FAM171B: variants seen among roughly 807,000 people sequenced by gnomAD.
FAM171B encodes protein FAM171B.
FAM171B carries 19 observed loss-of-function variants against 75.6 expected under a neutral mutation model. The observed-to-expected ratio is 0.25, with a 90% CI of 0.18 to 0.37. The LOEUF is 0.37. Among genes scored for constraint, FAM171B ranks in the 10% least tolerant of loss-of-function variants. The pLI is 1.00. For synonymous variants in FAM171B, 367 were observed against 361.7 expected, an observed-to-expected ratio of 1.01 and a Z score of -0.17; for missense variants, 848 against 982.4, an observed-to-expected ratio of 0.86 and a Z score of 1.83.
Position 186,711,951 on chromosome 2 carries a change from G to A in FAM171B, c.238+17540G>A, listed in dbSNP as rs967141373. On this transcript the variant is annotated intron_variant, in intron 1 of 7. Coordinates refer to ENST00000304698, the MANE Select transcript of FAM171B (RefSeq NM_177454.4). ...TTGATAATAGGTCATTTTTAAATTA[G>A]TTTCTAATTGTTTCTGGTGTGTTTA... Among the ~76,000 whole-genome samples the A allele has an allele frequency of 2.0e-5, 3 of 152,204 alleles. No individual in the cohort carries two copies. The East Asian group carries it at 5.8e-4, about 29-fold the overall frequency.
At chr2:186,707,846 A>ATTT (rs1559081571) in intron 1 of FAM171B, among the ~76,000 whole-genome samples, 6 of 150,850 alleles carry the variant, frequency 4.0e-5, no homozygotes, top group African/African-American at 1.5e-4. Context: ...TTTTTTAAAA[A>ATTT]AAAAAAAAGG....
intron 1 of FAM171B, among the ~76,000 whole-genome samples, chr2:186,736,567 G>GTGTGTGTGTGTGTGGGA (rs55683607): frequency 2.7e-3 from 285 of 104,618 alleles, no homozygotes; most frequent in South Asian, 7.7e-3. Flanking sequence ...TGTGTGTGTG[G>GTGTGTGTGTGTGTGGGA]GAGAGAGAGA....
chr2:186,747,791 T>A (rs1057107922), intron 4 of FAM171B, among the ~76,000 whole-genome samples: 6 of 152,142 alleles, frequency 3.9e-5, no homozygotes, highest in African/African-American at 1.4e-4. Flanking sequence ...TATAAGGCTG[T>A]CATAATATAA....
At chr2:186,734,544 C>T (rs369885487) in intron 1 of FAM171B, among the ~76,000 whole-genome samples, 12 of 152,278 alleles carry the variant, frequency 7.9e-5, no homozygotes, top group East Asian at 1.9e-4. Flanking sequence ...AGCTCCTATC[C>T]GCAGGCAGGT....
chr2:186,761,222 A>G lies in FAM171B; in HGVS notation c.1122A>G (p.Leu374=), dbSNP rs1271123693. The change falls in exon 7 of 8, where the codon CTA becomes CTG. Residue 374 remains leucine (L), a synonymous_variant. Transcript: ENST00000304698. ...TTGTCATTGGATTTTTTGCTGTACT[A>G]CTTTGTTATTGCAGGTAAGAAAATG... The part of the protein sequence containing the change: ...IVIVIGFFAV[L]LCYCRDKCGT... 1.9e-6 allele frequency: 3 copies of G among 1,612,186 alleles called. No individual in the cohort carries two copies. The highest frequency in any genetic ancestry group is 2.5e-6 in the Non-Finnish European group (3 of 1,179,074).
At chr2:186,751,805 T>C (rs1259081996) in intron 5 of FAM171B, among the ~76,000 whole-genome samples, 2 of 152,186 alleles carry the variant, frequency 1.3e-5, no homozygotes, top group Admixed American at 6.6e-5. Flanking sequence ...TATATTTTCA[T>C]CCTCAGCTTC....
chr2:186,754,174 A>C, intron 6 of FAM171B, 125 bp downstream of exon 6: 1 of 660,984 alleles, frequency 1.5e-6, no homozygotes. Flanking sequence ...TGGGAAAGGA[A>C]CTTGATCTCA....
intron 1 of FAM171B, among the ~76,000 whole-genome samples, chr2:186,724,179 C>T (rs1449457269): frequency 2.0e-5 from 3 of 152,224 alleles, no homozygotes; most frequent in South Asian, 2.1e-4. Context: ...TGTCCTTGGC[C>T]GGCTTCTGGG....
chr2:186,753,884 C>A, intron 5 of FAM171B, 49 bp from the exon 6 acceptor site: 1 of 1,389,004 alleles, frequency 7.2e-7, no homozygotes, highest in Non-Finnish European at 1.0e-6. Flanking sequence ...GCATGACCAT[C>A]AGTTCTTAAG....
intron 1 of FAM171B, among the ~76,000 whole-genome samples, chr2:186,699,977 T>C (rs965918428): frequency 6.6e-6 from 1 of 152,158 alleles, no homozygotes; most frequent in Non-Finnish European, 1.5e-5. Context: ...GTTCCATTGG[T>C]CTCTTTGTCT....
In FAM171B at chr2:186,761,472, A is replaced by G; in HGVS notation, c.1137-7A>G. On this transcript the variant is annotated splice_polypyrimidine_tract_variant and splice_region_variant and intron_variant, in intron 7 of 7. Transcript: ENST00000304698. Reference sequence around the variant, plus strand: ...TTAAATATTTTTTGCCTTCTCTTCTACTCTAGGGACAAGTGTGGTACTCCA... The same window carrying G: ...TTAAATATTTTTTGCCTTCTCTTCTGCTCTAGGGACAAGTGTGGTACTCCA... 6.4e-7 allele frequency: 1 copy of G among 1,550,966 alleles called. No homozygotes were observed. The highest frequency in any genetic ancestry group is 8.6e-7 in the Non-Finnish European group (1 of 1,157,624).
intron 1 of FAM171B, among the ~76,000 whole-genome samples, chr2:186,703,652 T>A (rs1177455803): frequency 6.6e-6 from 1 of 152,180 alleles, no homozygotes; most frequent in Non-Finnish European, 1.5e-5. Flanking sequence ...CCCATTCCAC[T>A]CTTGCCTCCT....
At chr2:186,704,103 C>G (rs1689702670) in intron 1 of FAM171B, among the ~76,000 whole-genome samples, 1 of 152,116 alleles carries the variant, frequency 6.6e-6, no homozygotes, top group African/African-American at 2.4e-5. Context: ...AATAACTTCT[C>G]TTCATAAAAT....
In FAM171B at chr2:186,762,039, G is replaced by A. The variant is rs746007701; in HGVS notation, c.1697G>A (p.Gly566Glu). The change falls in exon 8 of 8, where the codon GGA (glycine) becomes GAA (glutamate). Residue 566 changes from glycine (G) to glutamate (E), a missense_variant. Physicochemically the swap from Gly to Glu is moderately conservative, Grantham distance 98 (BLOSUM62 -2). Coordinates refer to ENST00000304698, the MANE Select transcript of FAM171B (RefSeq NM_177454.4). This position sits in a 1 kb window ranked among gnomAD's most constrained non-coding sequence, Gnocchi z 4.0. ...TAKSATLPRK[G>E]QLVYGQLMEP... ...AAGTCAGCTACTTTGCCAAGAAAGG[G>A]ACAGTTAGTCTATGGCCAATTGATG... is the stretch of plus-strand genomic sequence containing the variant. 2 of 1,613,686 alleles carry A rather than the reference G, an allele frequency of 1.2e-6. No homozygotes were observed. The highest frequency in any genetic ancestry group is 3.3e-5 in the Admixed American group (2 of 59,914).
chr2:186,753,361 CT>C (rs1443547558), intron 5 of FAM171B, among the ~76,000 whole-genome samples: 3 of 152,050 alleles, frequency 2.0e-5, no homozygotes, highest in Non-Finnish European at 2.9e-5. Flanking sequence ...AAAATGACAA[CT>C]TTTTTGGAAT....
intron 1 of FAM171B, among the ~76,000 whole-genome samples, chr2:186,725,338 T>C (rs531064623): frequency 0.011 from 1,327 of 123,662 alleles, 23 homozygotes; most frequent in African/African-American, 0.035. Context: ...AGCGAGACTC[T>C]GTCTCAAAAA....
intron 1 of FAM171B, among the ~76,000 whole-genome samples, chr2:186,737,519 A>G (rs916300030): frequency 2.0e-5 from 3 of 151,910 alleles, no homozygotes; most frequent in African/African-American, 7.3e-5. Flanking sequence ...GCTAATTTCA[A>G]GTTTTTTGTA....
intron 4 of FAM171B, 87 bp downstream of exon 4, chr2:186,747,337 A>G: frequency 2.3e-6 from 2 of 852,548 alleles, no homozygotes; most frequent in Non-Finnish European, 3.3e-6. Context: ...ATAATAGCTT[A>G]TAATATATAA....
rs1312298362 is a variant in FAM171B, at chr2:186,754,040, G to A, written c.1003G>A (p.Gly335Arg). The change falls in exon 6 of 8, where the codon GGA becomes AGA. Residue 335 changes from glycine to arginine, a missense_variant. Coordinates refer to ENST00000304698, the MANE Select transcript of FAM171B (RefSeq NM_177454.4). ...LGYWIAAPLP[G>R]TRGSGINEDS... The stretch of plus-strand genomic sequence containing the variant: ...GTACTGGATAGCAGCTCCACTTCCA[G>A]GAACTAGAGGTATTGTAAAAAATGA... 1 of 1,589,208 alleles carries A rather than the reference G, an allele frequency of 6.3e-7. No individual in the cohort carries two copies. Among genetic ancestry groups the A allele is most frequent in the Non-Finnish European group, 8.6e-7 (1 of 1,169,190 alleles).
Sources: allele counts gnomAD v4.1 joint callset (sites outside exome capture counted in the v4.1 genomes callset), GRCh38; gene constraint gnomAD v4.1.1; non-coding constraint Gnocchi (gnomAD v3.1); transcripts MANE v1.5; gene names NCBI Gene and HGNC (gene_info 2026-07-23, HGNC 2026-07-21).